LRRC20: variants seen among roughly 807,000 people sequenced by gnomAD.
LRRC20 encodes the protein leucine rich repeat containing 20.
LRRC20 carries 11 observed loss-of-function variants against 14.4 expected under a neutral mutation model. The ratio of observed to expected loss-of-function variants is 0.77; its 90% CI spans 0.48 to 1.27. The LOEUF (loss-of-function observed/expected upper bound fraction) is 1.27. Ranked by LOEUF, LRRC20 falls within the 50% of genes most tolerant of loss-of-function variation. The pLI is 0.00. For synonymous variants in LRRC20, 121 were observed against 107.3 expected, an observed-to-expected ratio of 1.13 and a Z score of -0.79; for missense variants, 219 against 251.2, an observed-to-expected ratio of 0.87 and a Z score of 0.87.
intron 3 of LRRC20, among the ~76,000 whole-genome samples, chr10:70,329,728 C>T (rs1331436545): frequency 6.6e-6 from 1 of 151,982 alleles, no homozygotes; most frequent in Non-Finnish European, 1.5e-5. Context: ...CTATGCCCAG[C>T]TAATTTTTTG....
chr10:70,344,827 G>A (rs1020228731), intron 2 of LRRC20, among the ~76,000 whole-genome samples: 1 of 152,068 alleles, frequency 6.6e-6, no homozygotes, highest in African/African-American at 2.4e-5. Context: ...TAGGCCTCCC[G>A]AAGTGCTAGG....
intron 3 of LRRC20, among the ~76,000 whole-genome samples, chr10:70,336,299 C>A (rs1156871662): frequency 6.6e-6 from 1 of 152,158 alleles, no homozygotes; most frequent in East Asian, 1.9e-4. Flanking sequence ...TACAAACAGG[C>A]AATGACCAGG....
At position 70,323,886 on chromosome 10, in the gene LRRC20, T is replaced by A; in HGVS notation, c.377A>T (p.Asn126Ile). Residue 126 changes from asparagine (N) to isoleucine (I), a missense_variant, in exon 4 of 5, where the codon AAC becomes ATC. Transcript: ENST00000446961. ...ACCTACGATCTCGTTCTCCTCCAGG[T>A]TGATGGTCTCCAGCGCCGGCAGGGC... is the stretch of plus-strand genomic sequence containing the variant. ...LTALPALETI[N>I]LEENEIVDVP... The A allele has an allele frequency of 1.9e-6, 3 of 1,614,010 alleles. No individual in the cohort carries two copies. The highest frequency in any genetic ancestry group is 2.5e-6 in the Non-Finnish European group (3 of 1,179,986).
At chr10:70,354,933 A>G (rs1843466922) in intron 2 of LRRC20, among the ~76,000 whole-genome samples, 1 of 152,150 alleles carries the variant, frequency 6.6e-6, no homozygotes, top group East Asian at 1.9e-4. Context: ...GGGAGCTCAG[A>G]GACACTACTT....
At chr10:70,309,951 C>G (rs553912902) in intron 4 of LRRC20, among the ~76,000 whole-genome samples, 2 of 152,238 alleles carry the variant, frequency 1.3e-5, no homozygotes, top group African/African-American at 4.8e-5. Context: ...GTTTCCACGT[C>G]TGCCACAGAG....
intron 3 of LRRC20, 81 bp from the exon 4 acceptor site, chr10:70,324,111 C>T: frequency 7.3e-7 from 1 of 1,369,578 alleles, no homozygotes; most frequent in South Asian, 1.2e-5. Context: ...CTGTGGCTCT[C>T]ACCCTGCCTG....
At chr10:70,365,458 AG>A (rs1427146903) in intron 2 of LRRC20, among the ~76,000 whole-genome samples, 2 of 152,246 alleles carry the variant, frequency 1.3e-5, no homozygotes, top group African/African-American at 4.8e-5. Context: ...ACCTTGGGTT[AG>A]GCAAAGACTT....
chr10:70,347,295 A>C (rs917216359), intron 2 of LRRC20, among the ~76,000 whole-genome samples: 5 of 152,198 alleles, frequency 3.3e-5, no homozygotes, highest in African/African-American at 1.2e-4. Context: ...CAGAGCTGTG[A>C]ATAGGAGCTT....
Position 70,357,514 on chromosome 10 carries a change from C to T in LRRC20, c.83-16812G>A, listed in dbSNP as rs148491040. On this transcript the variant is annotated intron_variant, in intron 2 of 4. Coordinates refer to ENST00000446961, the MANE Select transcript of LRRC20 (RefSeq NM_001278212.2). Reference sequence around the variant, plus strand: ...CTGCTATGAGGATGCAAAAGTATTACTTTTATTTGAGAATCTGACAAAGAT... The same window carrying T: ...CTGCTATGAGGATGCAAAAGTATTATTTTTATTTGAGAATCTGACAAAGAT... Among the ~76,000 whole-genome samples, 1,501 of 152,260 alleles carry T rather than the reference C, an allele frequency of 9.9e-3. 22 individuals are homozygous for T. The highest frequency in any genetic ancestry group is 0.056 in the South Asian group (270 of 4,822).
At chr10:70,360,601 T>G (rs1477047656) in intron 2 of LRRC20, among the ~76,000 whole-genome samples, 1 of 152,110 alleles carries the variant, frequency 6.6e-6, no homozygotes. Context: ...CCTGCCCGGT[T>G]AATTTTTCTT....
At chr10:70,304,883 C>T (rs531274371) in intron 4 of LRRC20, among the ~76,000 whole-genome samples, 1 of 152,242 alleles carries the variant, frequency 6.6e-6, no homozygotes, top group African/African-American at 2.4e-5. Flanking sequence ...CAGGATTATT[C>T]AGCCTTAAAA....
At chr10:70,375,335 G>A (rs1041476269) in intron 2 of LRRC20, among the ~76,000 whole-genome samples, 4 of 152,126 alleles carry the variant, frequency 2.6e-5, no homozygotes, top group Non-Finnish European at 4.4e-5. Context: ...ACAACCACAG[G>A]GTCCCTGTGC....
At chr10:70,364,323 G>A (rs1843882652) in intron 2 of LRRC20, among the ~76,000 whole-genome samples, 1 of 152,244 alleles carries the variant, frequency 6.6e-6, no homozygotes, top group South Asian at 2.1e-4. Context: ...TTCAGTGTAA[G>A]AGTGTGCTAG....
At chr10:70,377,158 T>A (rs1053199989) in intron 1 of LRRC20, among the ~76,000 whole-genome samples, 1 of 151,922 alleles carries the variant, frequency 6.6e-6, no homozygotes, top group African/African-American at 2.4e-5. Flanking sequence ...TGGCGGTGGG[T>A]GGTCTCTAAG....
intron 2 of LRRC20, among the ~76,000 whole-genome samples, chr10:70,366,081 A>AC (rs1207743286): frequency 7.2e-6 from 1 of 139,556 alleles, no homozygotes; most frequent in Non-Finnish European, 1.6e-5. Flanking sequence ...AAAAAAAAAA[A>AC]AAAAACAACA....
At chr10:70,357,591 T>G (rs1454915149) in intron 2 of LRRC20, among the ~76,000 whole-genome samples, 1 of 152,110 alleles carries the variant, frequency 6.6e-6, no homozygotes, top group Non-Finnish European at 1.5e-5. Flanking sequence ...TGGATTGCAT[T>G]TATTCTCACA....
At chr10:70,372,127 G>C (rs1164477589) in intron 2 of LRRC20, among the ~76,000 whole-genome samples, 4 of 152,120 alleles carry the variant, frequency 2.6e-5, no homozygotes, top group African/African-American at 9.7e-5. Context: ...TCCTCCCAGG[G>C]GCCTCGGCTT....
intron 4 of LRRC20, among the ~76,000 whole-genome samples, chr10:70,304,502 ATATATT>A (rs1189513453): frequency 3.2e-4 from 38 of 118,192 alleles, no homozygotes; most frequent in African/African-American, 1.1e-3. Context: ...ATATATATAT[ATATATT>A]TTACTAAGCA....
At chr10:70,382,252 C>G (rs1280043832) in intron 1 of LRRC20, among the ~76,000 whole-genome samples, 1 of 152,218 alleles carries the variant, frequency 6.6e-6, no homozygotes, top group African/African-American at 2.4e-5. Flanking sequence ...AGCGGTTCTC[C>G]GAGCTCCCTA....
Sources: gnomAD v4.1 joint callset for allele counts (sites outside exome capture counted in the v4.1 genomes callset) on GRCh38, gnomAD v4.1.1 for gene constraint, MANE v1.5 for transcripts, NCBI Gene and HGNC (gene_info 2026-07-23, HGNC 2026-07-21) for gene names.